Variants in RORB observed in about 807,000 individuals in gnomAD.
The protein encoded by RORB is nuclear receptor ROR-beta.
Under a neutral mutation model 59.1 loss-of-function variants are expected in RORB, and 6 were observed. That is an observed-to-expected ratio of 0.10 (90% CI 0.06 to 0.20). RORB has a LOEUF of 0.20. RORB is among the 10% of genes least tolerant of loss of function. The pLI, the probability that RORB is intolerant of heterozygous loss-of-function variation, is 1.00. For synonymous variants in RORB, 215 were observed against 204.5 expected (o/e 1.05, Z -0.44); for missense variants, 320 against 560.5 (o/e 0.57, Z 4.33).
At chr9:74,682,074 G>A (rs1407302499) in intron 9 of RORB, among the ~76,000 whole-genome samples, 8 of 152,060 alleles carry the variant, frequency 5.3e-5, no homozygotes, top group Admixed American at 2.6e-4. Context: ...AAGGAAGAGA[G>A]ATATCTCAGA....
chr9:74,522,582 G>A (rs1323847697), intron 1 of RORB, among the ~76,000 whole-genome samples: 2 of 151,756 alleles, frequency 1.3e-5, no homozygotes, highest in Non-Finnish European at 2.9e-5. Flanking sequence ...TTCAATAAGG[G>A]TAAAGCCCAA....
Position 74,623,068 on chromosome 9 carries a change from A to G in RORB, c.8-7214A>G, listed in dbSNP as rs1301304033. On this transcript the variant is annotated intron_variant, in intron 1 of 9. Coordinates refer to ENST00000376896, the MANE Select transcript of RORB (RefSeq NM_006914.4). ...TTGGATTTCCAGAACTACTGTGAAT[A>G]GCCAAAATGAGTTCATTGCTGGTTT... Among the ~76,000 whole-genome samples the G allele has an allele frequency of 2.0e-5, 3 of 152,228 alleles. No homozygotes were observed. In the East Asian group the frequency reaches 5.8e-4, roughly 29 times the overall value.
chr9:74,665,248 G>A (rs1824246871), intron 6 of RORB, among the ~76,000 whole-genome samples: 1 of 151,764 alleles, frequency 6.6e-6, no homozygotes, highest in African/African-American at 2.4e-5. Context: ...AATATATTAG[G>A]TTTTTGCCAA....
chr9:74,616,516 A>G (rs144842343), intron 1 of RORB, among the ~76,000 whole-genome samples: 61 of 152,316 alleles, frequency 4.0e-4, no homozygotes, highest in African/African-American at 1.3e-3. Context: ...ATATGCATTT[A>G]AAGATTTTAT....
intron 1 of RORB, among the ~76,000 whole-genome samples, chr9:74,568,927 T>C (rs1822509341): frequency 6.6e-6 from 1 of 152,002 alleles, no homozygotes. Context: ...TATCAAATAT[T>C]AAAAATCATA....
rs1198479191 is a variant in RORB, at chr9:74,690,998, A to G, written c.*5380A>G. 1 of 152,118 alleles carries G rather than the reference A, an allele frequency of 6.6e-6. No homozygotes were observed. Among genetic ancestry groups the G allele is most frequent in the Non-Finnish European group, 1.5e-5 (1 of 68,012 alleles). The allele number at this position is 152,118 out of a possible 1,614,324, so 9.4% of individuals were successfully genotyped here. On this transcript the variant is annotated 3_prime_UTR_variant, in exon 10 of 10. Transcript: ENST00000376896. ...CAAGTTTTTATTTTCCCTTAGTTGT[A>G]TGTGAAGAATTTATTCTATAGTCGT...
At chr9:74,548,952 C>A (rs1826545718) in intron 1 of RORB, among the ~76,000 whole-genome samples, 1 of 152,012 alleles carries the variant, frequency 6.6e-6, no homozygotes, top group Non-Finnish European at 1.5e-5. Context: ...TATTTATGTT[C>A]TTTTAAATAA....
At chr9:74,510,558 T>G (rs1825923531) in intron 1 of RORB, among the ~76,000 whole-genome samples, 1 of 152,148 alleles carries the variant, frequency 6.6e-6, no homozygotes, top group Non-Finnish European at 1.5e-5. Context: ...TTGCCTGTGT[T>G]TCGTACTCTA....
intron 1 of RORB, among the ~76,000 whole-genome samples, chr9:74,562,488 G>A (rs1031125540): frequency 2.0e-5 from 3 of 152,102 alleles, no homozygotes; most frequent in African/African-American, 7.2e-5. Context: ...GAGACCAGAG[G>A]TGGAGCTCTG....
intron 1 of RORB, among the ~76,000 whole-genome samples, chr9:74,500,402 G>A (rs1825790369): frequency 6.6e-6 from 1 of 152,158 alleles, no homozygotes. Context: ...GGAGTTGGGA[G>A]TTGAACTTGA....
chr9:74,678,998 C>T (rs530119496), intron 9 of RORB, among the ~76,000 whole-genome samples: 1 of 147,468 alleles, frequency 6.8e-6, no homozygotes, highest in Non-Finnish European at 1.5e-5. Flanking sequence ...CACCACTGAA[C>T]TCCAGCCTGG....
At chr9:74,574,408 T>C (rs1201463120) in intron 1 of RORB, among the ~76,000 whole-genome samples, 1 of 152,156 alleles carries the variant, frequency 6.6e-6, no homozygotes. Flanking sequence ...CAAATTACCT[T>C]CTCCATTTTA....
At chr9:74,607,639 CATAAGT>C (rs1436782949) in intron 1 of RORB, among the ~76,000 whole-genome samples, 4 of 151,840 alleles carry the variant, frequency 2.6e-5, no homozygotes, top group East Asian at 3.9e-4. Context: ...TTCATAAGTA[CATAAGT>C]ATATCTATAT....
intron 9 of RORB, among the ~76,000 whole-genome samples, chr9:74,676,557 A>G (rs750731202): frequency 4.6e-5 from 7 of 152,188 alleles, no homozygotes; most frequent in Non-Finnish European, 8.8e-5. Flanking sequence ...GTGCCTCACC[A>G]TGTGCTTTAC....
intron 1 of RORB, among the ~76,000 whole-genome samples, chr9:74,502,343 G>T (rs1018566014): frequency 6.6e-6 from 1 of 151,980 alleles, no homozygotes; most frequent in Non-Finnish European, 1.5e-5. Context: ...ATACACAGTT[G>T]TCAACAGGGA....
In RORB at chr9:74,690,501, T is replaced by C. The variant is rs1176657159; in HGVS notation, c.*4883T>C. ...TCTCTGAAATTATACATGATGGCAG[T>C]TGATTCAGAGCTTAGTGCAGACCAA... On this transcript the variant is annotated 3_prime_UTR_variant, in exon 10 of 10. Transcript: ENST00000376896. The C allele has an allele frequency of 6.6e-6, 1 of 152,164 alleles. No homozygotes were observed. Among genetic ancestry groups the C allele is most frequent in the Admixed American group, 6.6e-5 (1 of 15,266 alleles). The allele number at this position is 152,164 out of a possible 1,614,324, so 9.4% of individuals were successfully genotyped here.
intron 3 of RORB, among the ~76,000 whole-genome samples, chr9:74,637,946 G>A (rs901958813): frequency 6.6e-6 from 1 of 152,154 alleles, no homozygotes; most frequent in African/African-American, 2.4e-5. Context: ...AAGGAGTTCT[G>A]TCGGAGAAAA....
At chr9:74,666,786 A>T (rs1260561781) in intron 7 of RORB, among the ~76,000 whole-genome samples, 6 of 152,218 alleles carry the variant, frequency 3.9e-5, no homozygotes, top group African/African-American at 1.4e-4. Context: ...GAAGGCACTA[A>T]CAGAGTCAGT....
intron 9 of RORB, among the ~76,000 whole-genome samples, chr9:74,679,046 A>G (rs1176186529): frequency 6.7e-6 from 1 of 150,164 alleles, no homozygotes; most frequent in East Asian, 2.1e-4. Context: ...AAAAAAAACA[A>G]AAACAAACAA....
Sources: allele counts gnomAD v4.1 joint callset (sites outside exome capture counted in the v4.1 genomes callset), GRCh38; gene constraint gnomAD v4.1.1; transcripts MANE v1.5; gene names NCBI Gene and HGNC (gene_info 2026-07-23, HGNC 2026-07-21).